CSF2RB: variants seen among roughly 807,000 people sequenced by gnomAD.
CSF2RB encodes colony stimulating factor 2 receptor subunit beta, also known as cytokine receptor common subunit beta.
A neutral mutation model predicts 67.2 loss-of-function variants in CSF2RB; 22 were observed. The observed-to-expected ratio is 0.33, with a 90% CI of 0.23 to 0.47. The LOEUF (loss-of-function observed/expected upper bound fraction) is 0.47. Among genes scored for constraint, CSF2RB ranks in the 20% least tolerant of loss-of-function variants. CSF2RB has a pLI of 1.00. For missense variants in CSF2RB, 1,113 were observed against 1,174.5 expected, an observed-to-expected ratio of 0.95 and a Z score of 0.76; for synonymous variants, 507 against 482.9, an observed-to-expected ratio of 1.05 and a Z score of -0.65.
chr22:36,933,991 T>A lies in CSF2RB; in HGVS notation c.1312T>A (p.Ser438Thr), dbSNP rs755403905. The change falls in exon 10 of 14, where the codon TCG (serine) becomes ACG (threonine). Residue 438 changes from serine to threonine, a missense_variant. Physicochemically the swap from Ser to Thr is moderately conservative, Grantham distance 58. This residue lies in a region of CSF2RB where 559 missense variants were observed against 656.5 expected (regional missense o/e 0.85). Coordinates refer to ENST00000403662, the MANE Select transcript of CSF2RB (RefSeq NM_000395.3). ...WSEARSWDTE[S>T]VLPMWVLALI... ...TGAGGCGCGCTCCTGGGACACCGAG[T>A]CGGGTAGGTGAAGGCTGGAGTCCAG... 3 of 1,611,594 alleles carry A rather than the reference T, an allele frequency of 1.9e-6. 1 individual carries two copies. In the South Asian group the frequency reaches 3.3e-5, roughly 18 times the overall value.
intron 4 of CSF2RB, 149 bp from the exon 5 acceptor site, chr22:36,929,253 C>T (rs1295376349): frequency 5.0e-6 from 5 of 1,000,696 alleles, no homozygotes; most frequent in Non-Finnish European, 7.6e-6. Flanking sequence ...GGCTGAGGCT[C>T]ACAGAGGAGA....
chr22:36,938,811 C>G lies in CSF2RB; in HGVS notation c.*309C>G, dbSNP rs1489623581. The G allele has an allele frequency of 3.7e-6, 2 of 540,412 alleles. No individual in the cohort carries two copies. The highest frequency in any genetic ancestry group is 5.8e-5 in the East Asian group (2 of 34,564). The allele number at this position is 540,412 out of a possible 1,614,324, so 33.5% of individuals were successfully genotyped here. A position where few individuals can be genotyped will look rare whatever the true frequency, so the allele number is the denominator to read the frequency against. On this transcript the variant is annotated 3_prime_UTR_variant, in exon 14 of 14. Transcript: ENST00000403662. ...TCCATCTCCCCCTCATTTTTTTAAT[C>G]AGGTTTCCTTGCTTTTGCCATTTTT...
In CSF2RB at chr22:36,940,265, G is replaced by A. The variant is rs1288885899; in HGVS notation, c.*1763G>A. ...AAAGAAAATGATAAACAACTTGAATGTTCAATGGTCCTGAAATACATAACA... is the reference window on the plus strand; with the variant it reads ...AAAGAAAATGATAAACAACTTGAATATTCAATGGTCCTGAAATACATAACA... On this transcript the variant is annotated 3_prime_UTR_variant, in exon 14 of 14. Transcript: ENST00000403662. 6.6e-6 allele frequency: 1 copy of A among 152,194 alleles called. No individual in the cohort carries two copies. The highest frequency in any genetic ancestry group is 2.4e-5 in the African/African-American group (1 of 41,452). 9.4% of individuals were successfully genotyped at this position (152,194 alleles called of 1,614,324 possible). A position where few individuals can be genotyped will look rare whatever the true frequency, so the allele number is the denominator to read the frequency against.
intron 4 of CSF2RB, among the ~76,000 whole-genome samples, chr22:36,928,822 C>T (rs868497316): frequency 1.3e-5 from 2 of 152,184 alleles, no homozygotes; most frequent in Non-Finnish European, 2.9e-5. Flanking sequence ...TCTCCTCACA[C>T]CTTAGGGGAG....
intron 9 of CSF2RB, among the ~76,000 whole-genome samples, chr22:36,933,486 G>C (rs1187473082): frequency 1.3e-5 from 2 of 152,198 alleles, no homozygotes; most frequent in East Asian, 3.9e-4. Flanking sequence ...AGTCCAGTCG[G>C]CCTGCACTGC....
intron 11 of CSF2RB, 54 bp downstream of exon 11, chr22:36,935,495 G>C: frequency 6.2e-7 from 1 of 1,607,818 alleles, no homozygotes; most frequent in South Asian, 1.1e-5. Flanking sequence ...GAGGGCACTG[G>C]GGAATCCCAC....
chr22:36,937,191 C>T lies in CSF2RB; in HGVS notation c.1569-186C>T, dbSNP rs1601594089. On this transcript the variant is annotated intron_variant, in intron 13 of 13. Transcript: ENST00000403662. This position sits in a 1 kb window ranked among gnomAD's most constrained non-coding sequence, Gnocchi z 4.6. The stretch of plus-strand genomic sequence containing the variant: ...CTCCTGAGCCACGGAAAGACTGAAT[C>T]CATGTCCCATGTCCTTCTCTGGGGC... Among the ~76,000 whole-genome samples, 1 of 152,238 alleles carries T rather than the reference C, an allele frequency of 6.6e-6. No homozygotes were observed. Among genetic ancestry groups the T allele is most frequent in the African/African-American group, 2.4e-5 (1 of 41,538 alleles).
At chr22:36,929,077 G>T (rs1237111350) in intron 4 of CSF2RB, among the ~76,000 whole-genome samples, 1 of 152,192 alleles carries the variant, frequency 6.6e-6, no homozygotes, top group Non-Finnish European at 1.5e-5. Flanking sequence ...TCTGCTAGCA[G>T]GAGCCACCCA....
intron 3 of CSF2RB, chr22:36,923,678 T>C: frequency 7.4e-7 from 1 of 1,360,150 alleles, no homozygotes; most frequent in Non-Finnish European, 9.7e-7. Context: ...ACATGACCTA[T>C]CTTAGTTCCT....
In CSF2RB at chr22:36,937,577, A is replaced by G. The variant is rs769452286; in HGVS notation, c.1769A>G (p.Asn590Ser). 14 of 1,608,422 alleles carry G rather than the reference A, an allele frequency of 8.7e-6. No homozygotes were observed. In the Admixed American group the frequency reaches 1.0e-4, roughly 12 times the overall value. Residue 590 changes from asparagine (N) to serine (S), a missense_variant, in exon 14 of 14, where the codon AAT (asparagine) becomes AGT (serine). This residue lies in a region of CSF2RB where 554 missense variants were observed against 517.9 expected (regional missense o/e 1.07). Coordinates refer to ENST00000403662, the MANE Select transcript of CSF2RB (RefSeq NM_000395.3). The surrounding 1 kb of genome is among the most constrained non-coding windows in gnomAD (Gnocchi z 4.6). ...PEKQASSFDF[N>S]GPYLGPPHSR... ...AAACAGGCTTCCAGCTTTGACTTCA[A>G]TGGGCCCTACCTGGGGCCGCCCCAC... is the stretch of plus-strand genomic sequence containing the variant.
intron 8 of CSF2RB, 83 bp from the exon 9 acceptor site, chr22:36,932,682 C>A: frequency 1.3e-6 from 2 of 1,519,778 alleles, no homozygotes; most frequent in Non-Finnish European, 1.8e-6. Flanking sequence ...GTGGAGACAG[C>A]CCCAGTGTCT....
intron 3 of CSF2RB, among the ~76,000 whole-genome samples, chr22:36,925,417 T>G (rs1940990201): frequency 6.6e-6 from 1 of 152,128 alleles, no homozygotes; most frequent in Non-Finnish European, 1.5e-5. Flanking sequence ...TTCAAAGCAT[T>G]TATCAAAATC....
rs1160264211 is a variant in CSF2RB at position 36,938,440 on chromosome 22, A to C, written c.2632A>C (p.Lys878Gln). ...VPVIQLFKAL[K>Q]QQDYLSLPPW... The stretch of plus-strand genomic sequence containing the variant: ...CGTCATTCAGCTCTTCAAAGCCCTG[A>C]AGCAGCAGGACTACCTGTCTCTGCC... The change falls in exon 14 of 14, where the codon AAG (lysine) becomes CAG (glutamine). Residue 878 changes from lysine (K) to glutamine (Q), a missense_variant. By Grantham distance (53) the Lys-to-Gln change is moderately conservative (BLOSUM62 1). Around this residue, in one of 2 missense-constraint regions of CSF2RB, gnomAD observed 554 missense variants for 517.9 expected, o/e 1.07. Coordinates refer to ENST00000403662, the MANE Select transcript of CSF2RB (RefSeq NM_000395.3). 6.2e-7 allele frequency: 1 copy of C among 1,614,136 alleles called. No homozygotes were observed. Among genetic ancestry groups the C allele is most frequent in the East Asian group, 2.2e-5 (1 of 44,872 alleles).
At chr22:36,919,115 T>C (rs1940791303) in intron 1 of CSF2RB, among the ~76,000 whole-genome samples, 2 of 152,218 alleles carry the variant, frequency 1.3e-5, no homozygotes, top group African/African-American at 4.8e-5. Context: ...GAAATAGACC[T>C]TTTTATTCTG....
In CSF2RB at chr22:36,926,052, C is replaced by A. The variant is rs1220785103; in HGVS notation, c.266C>A (p.Pro89His). The change falls in exon 4 of 14, where the codon CCC becomes CAC. Residue 89 changes from proline to histidine, a missense_variant. Pro to His is a moderately conservative substitution (Grantham distance 77). Transcript: ENST00000403662. Reference protein sequence around the residue: ...DDMPWSACPHPRCVPRRCVIP... With the variant: ...DDMPWSACPHHRCVPRRCVIP... The stretch of plus-strand genomic sequence containing the variant: ...ATGCCCTGGTCAGCCTGCCCCCATC[C>A]CCGCTGCGTGCCCAGGAGATGTGTC... 3 of 1,614,104 alleles carry A rather than the reference C, an allele frequency of 1.9e-6. No homozygotes were observed. In the African/African-American group the frequency reaches 4.0e-5, roughly 22 times the overall value.
chr22:36,923,507 C>T, intron 3 of CSF2RB, 140 bp downstream of exon 3: 1 of 1,348,126 alleles, frequency 7.4e-7, no homozygotes, highest in South Asian at 1.3e-5. Flanking sequence ...GAGGGAGGCC[C>T]TGCAAGAGCT....
At position 36,926,023 on chromosome 22, in the gene CSF2RB, T is replaced by C. The variant is rs1316802584; in HGVS notation, c.237T>C (p.Asp79=). The change falls in exon 4 of 14, where the codon GAT becomes GAC. Residue 79 remains aspartate (D), a synonymous_variant. Coordinates refer to ENST00000403662, the MANE Select transcript of CSF2RB (RefSeq NM_000395.3). ...AGCCAGTGTCCTGTGACCTCAGTGA[T>C]GACATGCCCTGGTCAGCCTGCCCCC... ...LLEPVSCDLS[D]DMPWSACPHP... 2 of 1,614,110 alleles carry C rather than the reference T, an allele frequency of 1.2e-6. No homozygotes were observed. Among genetic ancestry groups the C allele is most frequent in the Non-Finnish European group, 8.5e-7 (1 of 1,180,050 alleles).
intron 1 of CSF2RB, among the ~76,000 whole-genome samples, chr22:36,919,028 C>A (rs957757531): frequency 1.3e-5 from 2 of 152,232 alleles, no homozygotes; most frequent in Non-Finnish European, 2.9e-5. Flanking sequence ...GGAAGACATA[C>A]ACAATGTTTC....
chr22:36,929,231 T>C (rs963930043), intron 4 of CSF2RB, among the ~76,000 whole-genome samples, 171 bp from the exon 5 acceptor site: 1 of 152,186 alleles, frequency 6.6e-6, no homozygotes, highest in African/African-American at 2.4e-5. Context: ...CCCTACAGTT[T>C]TGCAGATGAA....
Sources: allele counts gnomAD v4.1 joint callset (sites outside exome capture counted in the v4.1 genomes callset), GRCh38; gene constraint gnomAD v4.1.1; regional missense constraint gnomAD v4.1.1; non-coding constraint Gnocchi (gnomAD v3.1); transcripts MANE v1.5; gene names NCBI Gene and HGNC (gene_info 2026-07-23, HGNC 2026-07-21).